CADM1: variants seen among roughly 807,000 people sequenced by gnomAD.
CADM1 encodes the protein cell adhesion molecule 1, also known as TSLC-1.
CADM1 carries 15 observed loss-of-function variants against 53.1 expected under a neutral mutation model. The observed-to-expected ratio is 0.28, with a 90% CI of 0.19 to 0.44. The LOEUF (loss-of-function observed/expected upper bound fraction) is 0.44, where lower values mean the gene tolerates loss of function less well. Among genes scored for constraint, CADM1 ranks in the 20% least tolerant of loss-of-function variants. The probability of loss-of-function intolerance (pLI) is 1.00; values close to 1 mark genes in which losing one functional copy is unlikely to be tolerated. For synonymous variants in CADM1, 281 were observed against 243.0 expected (o/e 1.16, Z -1.45); for missense variants, 434 against 611.3 (o/e 0.71, Z 3.06).
At position 115,340,626 on chromosome 11, in the gene CADM1, TTATA is replaced by T. The variant is rs869156485; in HGVS notation, c.125-100210_125-100207del. The stretch of plus-strand genomic sequence containing the variant: ...GTGGAGTCACACAACATAATAAATA[TTATA>T]TATATATATATATATATATATATAT... On this transcript the variant is annotated intron_variant, in intron 1 of 11. Transcript: ENST00000331581. Among the ~76,000 whole-genome samples the T allele has an allele frequency of 2.7e-3, 130 of 48,224 alleles. 5 individuals carry two copies. The highest frequency in any genetic ancestry group is 2.4e-3 in the Non-Finnish European group (70 of 29,752). The allele number at this position is 48,224 out of a possible 152,430, so 31.6% of individuals were successfully genotyped here.
At chr11:115,427,703 T>C (rs1311426828) in intron 1 of CADM1, among the ~76,000 whole-genome samples, 1 of 151,982 alleles carries the variant, frequency 6.6e-6, no homozygotes, top group East Asian at 1.9e-4. Context: ...AATATATTAA[T>C]AATGAAGTAC....
intron 1 of CADM1, among the ~76,000 whole-genome samples, chr11:115,371,423 A>G (rs1946303911): frequency 6.6e-6 from 1 of 152,160 alleles, no homozygotes; most frequent in Admixed American, 6.5e-5. Context: ...ACTAAAACAA[A>G]GAATTACAGC....
intron 1 of CADM1, among the ~76,000 whole-genome samples, chr11:115,489,731 A>T (rs142617132): frequency 6.6e-6 from 1 of 152,238 alleles, no homozygotes; most frequent in Admixed American, 6.5e-5. Context: ...AAGGAGGAAG[A>T]TAAGTTAGGA....
intron 1 of CADM1, among the ~76,000 whole-genome samples, chr11:115,304,221 G>A (rs1318293161): frequency 6.6e-6 from 1 of 152,014 alleles, no homozygotes; most frequent in African/African-American, 2.4e-5. Flanking sequence ...AATAATGTTT[G>A]CCATCAACTC....
At chr11:115,296,961 T>A (rs550813259) in intron 1 of CADM1, among the ~76,000 whole-genome samples, 1 of 152,342 alleles carries the variant, frequency 6.6e-6, no homozygotes, top group African/African-American at 2.4e-5. Flanking sequence ...AATTCCTGAC[T>A]TTCTACTGCC....
chr11:115,364,814 T>C (rs752025177), intron 1 of CADM1, among the ~76,000 whole-genome samples: 5 of 152,210 alleles, frequency 3.3e-5, no homozygotes, highest in Non-Finnish European at 7.3e-5. Context: ...ACATAATATA[T>C]GTACAAAGTA....
intron 1 of CADM1, among the ~76,000 whole-genome samples, chr11:115,299,830 T>C (rs1944173571): frequency 6.6e-6 from 1 of 152,130 alleles, no homozygotes; most frequent in Non-Finnish European, 1.5e-5. Context: ...GGTATTCTCA[T>C]TCATTTGAAG....
At chr11:115,363,878 T>A (rs1795885335) in intron 1 of CADM1, among the ~76,000 whole-genome samples, 1 of 152,178 alleles carries the variant, frequency 6.6e-6, no homozygotes, top group African/African-American at 2.4e-5. Flanking sequence ...GGACATTTTC[T>A]GTTTAGATAT....
intron 1 of CADM1, among the ~76,000 whole-genome samples, chr11:115,262,907 G>A (rs1943019075): frequency 6.6e-6 from 1 of 151,890 alleles, no homozygotes; most frequent in Non-Finnish European, 1.5e-5. Context: ...TTCTCCTAAT[G>A]TTAACATCTT....
intron 1 of CADM1, among the ~76,000 whole-genome samples, chr11:115,322,340 A>G (rs761162783): frequency 2.2e-4 from 34 of 152,354 alleles, no homozygotes; most frequent in Non-Finnish European, 4.7e-4. Flanking sequence ...GCAGGCTGTT[A>G]AGCATATACA....
chr11:115,191,772 C>T (rs1308875216), intron 9 of CADM1, among the ~76,000 whole-genome samples: 1 of 152,174 alleles, frequency 6.6e-6, no homozygotes, highest in Non-Finnish European at 1.5e-5. Context: ...TTTAATAACA[C>T]AAAATGTTAG....
chr11:115,466,948 C>G (rs920612253), intron 1 of CADM1, among the ~76,000 whole-genome samples: 1 of 152,222 alleles, frequency 6.6e-6, no homozygotes, highest in African/African-American at 2.4e-5. Context: ...TACCAGCCAA[C>G]ATTGACTCGT....
intron 1 of CADM1, among the ~76,000 whole-genome samples, chr11:115,248,196 A>T (rs1225675826): frequency 2.6e-5 from 4 of 152,228 alleles, no homozygotes; most frequent in African/African-American, 9.6e-5. Flanking sequence ...TACATACAGG[A>T]TGGGTATCTC....
intron 1 of CADM1, among the ~76,000 whole-genome samples, chr11:115,364,880 G>GT (rs1946118893): frequency 6.6e-6 from 1 of 152,086 alleles, no homozygotes; most frequent in Non-Finnish European, 1.5e-5. Context: ...TTTAATAACA[G>GT]TTTTGTTAGT....
At chr11:115,328,916 T>G (rs1281472502) in intron 1 of CADM1, among the ~76,000 whole-genome samples, 1 of 149,730 alleles carries the variant, frequency 6.7e-6, no homozygotes, top group East Asian at 2.0e-4. Context: ...TTATGGCATT[T>G]TATTTGATTC....
At chr11:115,341,989 T>C (rs1033399179) in intron 1 of CADM1, among the ~76,000 whole-genome samples, 16 of 152,170 alleles carry the variant, frequency 1.1e-4, no homozygotes, top group African/African-American at 3.6e-4. Context: ...ACATAAATGC[T>C]TTAACATCTA....
intron 1 of CADM1, among the ~76,000 whole-genome samples, chr11:115,273,801 T>G (rs939973747): frequency 6.6e-6 from 1 of 152,204 alleles, no homozygotes; most frequent in Non-Finnish European, 1.5e-5. Context: ...CTCATCAACA[T>G]TTATCAAAAC....
intron 1 of CADM1, among the ~76,000 whole-genome samples, chr11:115,249,518 A>T (rs1235678169): frequency 6.6e-6 from 1 of 152,238 alleles, no homozygotes; most frequent in South Asian, 2.1e-4. Flanking sequence ...AACTATCTAC[A>T]TTTCCCAAAA....
At chr11:115,363,904 A>T (rs1946091481) in intron 1 of CADM1, among the ~76,000 whole-genome samples, 1 of 152,186 alleles carries the variant, frequency 6.6e-6, no homozygotes, top group Admixed American at 6.5e-5. Context: ...GATCACAAAT[A>T]CCACTGTGTT....
Sources: gnomAD v4.1 joint callset for allele counts (sites outside exome capture counted in the v4.1 genomes callset) on GRCh38, gnomAD v4.1.1 for gene constraint, MANE v1.5 for transcripts, NCBI Gene and HGNC (gene_info 2026-07-23, HGNC 2026-07-21) for gene names.